The following GTF2A1L variants were observed in gnomAD, a reference collection of about 807,000 sequenced individuals.
GTF2A1L encodes the protein general transcription factor IIA subunit 1 like.
Under a neutral mutation model 49.7 loss-of-function variants are expected in GTF2A1L, and 48 were observed. That is an observed-to-expected ratio of 0.97 (90% confidence interval 0.77 to 1.23). The LOEUF (loss-of-function observed/expected upper bound fraction) is 1.23. Ranked by LOEUF, GTF2A1L falls within the 50% of genes most tolerant of loss-of-function variation. The pLI, the probability that GTF2A1L is intolerant of heterozygous loss-of-function variation, is 0.00. For synonymous variants in GTF2A1L, 246 were observed against 193.5 expected (o/e 1.27, Z -2.25); for missense variants, 736 against 564.8 (o/e 1.30, Z -3.07).
chr2:48,673,225 T>C (rs978914059), intron 8 of GTF2A1L, among the ~76,000 whole-genome samples: 21 of 152,128 alleles, frequency 1.4e-4, no homozygotes, highest in Non-Finnish European at 2.6e-4. Flanking sequence ...TTGTTTCCAC[T>C]GTAGGGGAGA....
chr2:48,658,352 A>T (rs1411654760), intron 6 of GTF2A1L, among the ~76,000 whole-genome samples: 1 of 152,192 alleles, frequency 6.6e-6, no homozygotes, highest in Non-Finnish European at 1.5e-5. Flanking sequence ...CATTTATTGA[A>T]TAGGGAGTCC....
chr2:48,635,181 C>G (rs1018710242), intron 3 of GTF2A1L, among the ~76,000 whole-genome samples: 2 of 151,706 alleles, frequency 1.3e-5, no homozygotes, highest in African/African-American at 4.8e-5. Flanking sequence ...GTGGACCAGG[C>G]AAGCAGGTGC....
At chr2:48,635,632 A>C (rs1676845115) in intron 3 of GTF2A1L, among the ~76,000 whole-genome samples, 1 of 151,988 alleles carries the variant, frequency 6.6e-6, no homozygotes, top group Non-Finnish European at 1.5e-5. Flanking sequence ...GTATAATTCC[A>C]ATACCTACTT....
At chr2:48,644,816 A>G (rs1300625578) in intron 4 of GTF2A1L, among the ~76,000 whole-genome samples, 1 of 152,194 alleles carries the variant, frequency 6.6e-6, no homozygotes, top group Non-Finnish European at 1.5e-5. Context: ...TACTAGCTTC[A>G]TTGCTAATAA....
chr2:48,621,063 G>A, intron 2 of GTF2A1L, 104 bp from the exon 3 acceptor site: 2 of 1,509,538 alleles, frequency 1.3e-6, no homozygotes, highest in Non-Finnish European at 1.8e-6. Flanking sequence ...CCCATTCATT[G>A]TGCCATCAGG....
chr2:48,665,429 C>T (rs933118740), intron 6 of GTF2A1L, among the ~76,000 whole-genome samples: 28 of 151,522 alleles, frequency 1.8e-4, no homozygotes, highest in African/African-American at 2.9e-4. Flanking sequence ...TGATTTGAGA[C>T]GTACTTATTT....
At chr2:48,635,907 G>A (rs1272128665) in intron 3 of GTF2A1L, among the ~76,000 whole-genome samples, 2 of 151,972 alleles carry the variant, frequency 1.3e-5, no homozygotes, top group Admixed American at 6.6e-5. Context: ...TTCAGGGATT[G>A]GGAGGAAAAA....
At chr2:48,658,875 C>T (rs1032671590) in intron 6 of GTF2A1L, among the ~76,000 whole-genome samples, 1 of 151,892 alleles carries the variant, frequency 6.6e-6, no homozygotes, top group African/African-American at 2.4e-5. Context: ...TGGATCTTCT[C>T]TCTGTTTTTC....
chr2:48,669,225 C>G (rs1679038079), intron 6 of GTF2A1L, among the ~76,000 whole-genome samples: 1 of 152,132 alleles, frequency 6.6e-6, no homozygotes, highest in African/African-American at 2.4e-5. Flanking sequence ...ATTTTACTTT[C>G]TGTTTCTATG....
chr2:48,637,041 A>G (rs75250603), intron 3 of GTF2A1L, among the ~76,000 whole-genome samples: 3,661 of 152,254 alleles, frequency 0.024, 52 homozygotes, highest in Non-Finnish European at 0.037. Flanking sequence ...TGTATGTCCG[A>G]TTGTTCTTGA....
intron 3 of GTF2A1L, among the ~76,000 whole-genome samples, chr2:48,635,821 T>G (rs1676855656): frequency 6.6e-6 from 1 of 152,134 alleles, no homozygotes; most frequent in African/African-American, 2.4e-5. Flanking sequence ...TGCTTGGTCC[T>G]ATGTCTGGGA....
At chr2:48,620,593 C>T (rs1222266498) in intron 1 of GTF2A1L, among the ~76,000 whole-genome samples, 2 of 152,072 alleles carry the variant, frequency 1.3e-5, no homozygotes, top group African/African-American at 2.4e-5. Flanking sequence ...GCCTGACCAT[C>T]ATGGTGAAAC....
chr2:48,665,197 C>T (rs528677129), intron 6 of GTF2A1L, among the ~76,000 whole-genome samples: 61 of 152,020 alleles, frequency 4.0e-4, no homozygotes, highest in Non-Finnish European at 6.3e-4. Context: ...GCTGGGATTA[C>T]GGGTGCGAGC....
rs550469872 is a variant in GTF2A1L at position 48,626,234 on chromosome 2, C to T, written c.247+4944C>T. ...TATACTGTTCTGCTGGTCTTTGTGT[C>T]TGTTTTTGTCAGTGCCATACTGTTT... On this transcript the variant is annotated intron_variant, in intron 3 of 8. Transcript: ENST00000403751. Among the ~76,000 whole-genome samples, 3 of 143,762 alleles carry T rather than the reference C, an allele frequency of 2.1e-5. 1 individual carries two copies. The highest frequency in any genetic ancestry group is 4.7e-5 in the Non-Finnish European group (3 of 63,866). The allele number at this position is 143,762 out of a possible 152,430, so 94.3% of individuals were successfully genotyped here.
chr2:48,660,655 A>G (rs1011424249), intron 6 of GTF2A1L, among the ~76,000 whole-genome samples: 3 of 151,766 alleles, frequency 2.0e-5, no homozygotes, highest in East Asian at 1.9e-4. Flanking sequence ...TATTATTATT[A>G]TTATTGAAAC....
chr2:48,642,447 C>A lies in GTF2A1L; in HGVS notation c.293C>A (p.Thr98Lys). The change falls in exon 4 of 9, where the codon ACA (threonine) becomes AAA (lysine). Residue 98 changes from threonine to lysine, a missense_variant. Coordinates refer to ENST00000403751, the MANE Select transcript of GTF2A1L (RefSeq NM_006872.5). ...GGTAGAACTCTTCCAAGTTTTACCA[C>A]AGCAGAACTGGTATGTAGCTTACTT... ...PAGRTLPSFT[T>K]AELGTSNSSA... is the part of the protein sequence containing the mutation. 6.3e-7 allele frequency: 1 copy of A among 1,590,644 alleles called. No homozygotes were observed. The highest frequency in any genetic ancestry group is 8.6e-7 in the Non-Finnish European group (1 of 1,164,732).
intron 3 of GTF2A1L, among the ~76,000 whole-genome samples, chr2:48,634,268 C>T (rs192775999): frequency 2.3e-3 from 344 of 152,198 alleles, no homozygotes; most frequent in Non-Finnish European, 3.4e-3. Context: ...AGCATAACCA[C>T]GCCTGGCTAA....
In GTF2A1L at chr2:48,650,015, C is replaced by T. The variant is rs1366474263; in HGVS notation, c.978+2973C>T. Among the ~76,000 whole-genome samples the T allele has an allele frequency of 2.6e-5, 4 of 152,166 alleles. No homozygotes were observed. The East Asian group carries it at 7.7e-4, about 29-fold the overall frequency. On this transcript the variant is annotated intron_variant, in intron 6 of 8. Transcript: ENST00000403751. The stretch of plus-strand genomic sequence containing the variant: ...CTGGTTAATTCCTGCTTATTCATTA[C>T]TTCCTCCAGAAATCTTCAGTACTTC...
chr2:48,620,705 A>G (rs1179519846), intron 1 of GTF2A1L, 146 bp from the exon 2 acceptor site: 3 of 324,446 alleles, frequency 9.2e-6, no homozygotes. Context: ...TGAACCTGGG[A>G]CGTGGAAATT....
Sources: gnomAD v4.1 joint callset for allele counts (sites outside exome capture counted in the v4.1 genomes callset) on GRCh38, gnomAD v4.1.1 for gene constraint, MANE v1.5 for transcripts, NCBI Gene and HGNC (gene_info 2026-07-23, HGNC 2026-07-21) for gene names.